The following WDR27 variants were observed in gnomAD, a reference collection of about 807,000 sequenced individuals.
WDR27 encodes WD repeat-containing protein 27.
Under a neutral mutation model 114.4 loss-of-function variants are expected in WDR27, and 100 were observed. The observed-to-expected ratio is 0.87, with a 90% CI of 0.74 to 1.03. The LOEUF is 1.03. WDR27 is among the 50% of genes least tolerant of loss of function. The pLI is 0.00. For synonymous variants in WDR27, 449 were observed against 423.1 expected (o/e 1.06, Z -0.75); for missense variants, 1,129 against 1,092.9 (o/e 1.03, Z -0.47).
At chr6:169,553,055 G>A (rs1329436052) in intron 25 of WDR27, among the ~76,000 whole-genome samples, 1 of 38,944 alleles carries the variant, frequency 2.6e-5, no homozygotes, top group African/African-American at 7.4e-5. Context: ...GGGCCTGGAG[G>A]GCCTGTGTGT....
chr6:169,427,625 T>C, the WDR27 span, among the ~76,000 whole-genome samples: 30 of 152,084 alleles, frequency 2.0e-4, no homozygotes, highest in Admixed American at 2.0e-3. Context: ...AGCAGGAGTT[T>C]CTGCTGCTTC....
intron 22 of WDR27, among the ~76,000 whole-genome samples, chr6:169,608,868 A>T (rs1373050264): frequency 6.6e-6 from 1 of 152,206 alleles, no homozygotes; most frequent in Non-Finnish European, 1.5e-5. Context: ...ATGAGCCTGT[A>T]ATATCAAAAG....
rs539916942 is a variant in WDR27 at position 169,592,787 on chromosome 6, A to C, written c.2424+9432T>G. ...AGAATGCCTCTAAAGTTTTCTCAGTAAGATGTCAGCTTTTGGGCTGAGATA... is the reference window on the plus strand; with the variant it reads ...AGAATGCCTCTAAAGTTTTCTCAGTCAGATGTCAGCTTTTGGGCTGAGATA... On this transcript the variant is annotated intron_variant, in intron 23 of 25. Coordinates refer to ENST00000448612, the MANE Select transcript of WDR27 (RefSeq NM_182552.5). 2.4e-4 allele frequency among the ~76,000 whole-genome samples: 37 copies of C among 152,328 alleles called. No individual in the cohort carries two copies. In the Middle Eastern group the frequency reaches 0.01, roughly 42 times the overall value.
At chr6:169,476,695 G>C (rs571881414) in intron 25 of WDR27, among the ~76,000 whole-genome samples, 3 of 152,076 alleles carry the variant, frequency 2.0e-5, no homozygotes, top group South Asian at 4.2e-4. Context: ...TAAGTTCCTA[G>C]ACACTTTCAA....
intron 25 of WDR27, among the ~76,000 whole-genome samples, chr6:169,538,105 T>C (rs1338484494): frequency 3.9e-5 from 6 of 151,948 alleles, no homozygotes; most frequent in Non-Finnish European, 8.8e-5. Flanking sequence ...CTAGCCACAG[T>C]TGGGTGTGTG....
intron 25 of WDR27, among the ~76,000 whole-genome samples, chr6:169,476,454 T>G (rs538147531): frequency 2.6e-4 from 39 of 152,320 alleles, no homozygotes; most frequent in Non-Finnish European, 4.4e-4. Context: ...TCTCACCACC[T>G]GTTTCTTTGT....
At chr6:169,615,934 AGAAAAGTTCT>A (rs1430168724) in intron 21 of WDR27, among the ~76,000 whole-genome samples, 5 of 137,664 alleles carry the variant, frequency 3.6e-5, no homozygotes, top group African/African-American at 1.3e-4. Context: ...CTGGATTTTA[AGAAAAGTTCT>A]GAAAACCTAA....
At chr6:169,588,412 T>C (rs1407734053) in intron 23 of WDR27, among the ~76,000 whole-genome samples, 1 of 152,208 alleles carries the variant, frequency 6.6e-6, no homozygotes, top group Admixed American at 6.5e-5. Context: ...ATTCATGACA[T>C]ATGTTTTTAA....
intron 25 of WDR27, among the ~76,000 whole-genome samples, chr6:169,566,664 G>A (rs182024624): frequency 0.031 from 2,471 of 80,592 alleles, 63 homozygotes; most frequent in African/African-American, 0.14. Flanking sequence ...TTGAGGCAAC[G>A]TTAGAGACTA....
chr6:169,495,934 C>T (rs1238728490), intron 25 of WDR27, among the ~76,000 whole-genome samples: 1 of 151,980 alleles, frequency 6.6e-6, no homozygotes, highest in African/African-American at 2.4e-5. Context: ...GACAGCATTA[C>T]CCTGATATCA....
chr6:169,630,824 G>C (rs571245293), intron 21 of WDR27, among the ~76,000 whole-genome samples: 1 of 152,290 alleles, frequency 6.6e-6, no homozygotes, highest in East Asian at 1.9e-4. Flanking sequence ...AACCTAGGAG[G>C]TGGAGGTTGC....
At chr6:169,445,340 C>T in the WDR27 span, among the ~76,000 whole-genome samples, 2 of 152,236 alleles carry the variant, frequency 1.3e-5, no homozygotes, top group African/African-American at 2.4e-5. Flanking sequence ...GAGGAGACTT[C>T]CTGGGGTCTC....
chr6:169,615,702 G>A (rs138604136), intron 21 of WDR27, among the ~76,000 whole-genome samples: 49 of 152,168 alleles, frequency 3.2e-4, no homozygotes, highest in East Asian at 2.9e-3. Flanking sequence ...AGGCAATACC[G>A]TCCTAGACAC....
chr6:169,523,156 G>T (rs1294616670), intron 25 of WDR27, among the ~76,000 whole-genome samples: 1 of 151,982 alleles, frequency 6.6e-6, no homozygotes, highest in African/African-American at 2.4e-5. Context: ...AGACTATTAT[G>T]AACAATGATA....
At chr6:169,697,445 C>T (rs1309535937) in intron 1 of WDR27, among the ~76,000 whole-genome samples, 3 of 152,206 alleles carry the variant, frequency 2.0e-5, no homozygotes, top group Admixed American at 6.5e-5. Flanking sequence ...CCCTTTCTCC[C>T]GGAGAGTTTA....
At chr6:169,497,298 C>G (rs1790530852) in intron 25 of WDR27, among the ~76,000 whole-genome samples, 1 of 151,944 alleles carries the variant, frequency 6.6e-6, no homozygotes, top group African/African-American at 2.4e-5. Context: ...GAATGGAAGA[C>G]TGAAAACAAT....
downstream of WDR27, among the ~76,000 whole-genome samples, chr6:169,453,127 C>A (rs998444468): frequency 6.6e-6 from 1 of 152,228 alleles, no homozygotes; most frequent in Non-Finnish European, 1.5e-5. Flanking sequence ...AGAACACAAG[C>A]TGCTTGTTCT....
At chr6:169,657,306 G>A (rs561181735) in intron 13 of WDR27, among the ~76,000 whole-genome samples, 4 of 152,236 alleles carry the variant, frequency 2.6e-5, no homozygotes, top group Non-Finnish European at 1.5e-5. Flanking sequence ...GGTAGGGAAG[G>A]GAGAGGCCAG....
At chr6:169,672,430 C>T (rs762331410) in intron 2 of WDR27, 34 bp from the exon 3 acceptor site, 6 of 1,535,600 alleles carry the variant, frequency 3.9e-6, no homozygotes, top group East Asian at 4.7e-5. Flanking sequence ...ACACAGATCA[C>T]AGACATTTAA....
Sources: gnomAD v4.1 joint callset for allele counts (sites outside exome capture counted in the v4.1 genomes callset) on GRCh38, gnomAD v4.1.1 for gene constraint, MANE v1.5 for transcripts, NCBI Gene and HGNC (gene_info 2026-07-23, HGNC 2026-07-21) for gene names.